The following HAPLN2 variants were observed in gnomAD, a reference collection of about 807,000 sequenced individuals.
HAPLN2 encodes the protein brain link protein-1.
A neutral mutation model predicts 29.3 loss-of-function variants in HAPLN2; 27 were observed. The ratio of observed to expected loss-of-function variants is 0.92; its 90% confidence interval spans 0.68 to 1.27. HAPLN2 has a LOEUF of 1.27. Among genes scored for constraint, HAPLN2 ranks in the 50% most tolerant of loss-of-function variants. The pLI is 0.00. For missense variants in HAPLN2, 454 were observed against 484.3 expected, an observed-to-expected ratio of 0.94 and a Z score of 0.59; for synonymous variants, 208 against 211.7, an observed-to-expected ratio of 0.98 and a Z score of 0.15.
At chr1:156,612,647 C>A in the HAPLN2 span, among the ~76,000 whole-genome samples, 1 of 152,152 alleles carries the variant, frequency 6.6e-6, no homozygotes, top group Non-Finnish European at 1.5e-5. Context: ...GACTGAGGAG[C>A]AGGAAATGGT....
the HAPLN2 span, among the ~76,000 whole-genome samples, chr1:156,607,023 G>A: frequency 6.6e-6 from 1 of 151,968 alleles, no homozygotes; most frequent in African/African-American, 2.4e-5. Flanking sequence ...ATTGAGAGTT[G>A]AGCCCAATTT....
Position 156,625,649 on chromosome 1 carries a change from C to A in HAPLN2, c.*265C>A, listed in dbSNP as rs1461545274. 1.1e-5 allele frequency: 5 copies of A among 435,786 alleles called. No homozygotes were observed. Among genetic ancestry groups the A allele is most frequent in the African/African-American group, 1.0e-4 (5 of 48,120 alleles). The allele number at this position is 435,786 out of a possible 1,614,324, so 27.0% of individuals were successfully genotyped here. ...CGAACCCTAGCAGAGGACTCAGCCA[C>A]CGCCGGGGGGAGGGTGAGGCGGCCG... On this transcript the variant is annotated 3_prime_UTR_variant, in exon 7 of 7. Transcript: ENST00000255039. The surrounding 1 kb of genome is among the most constrained non-coding windows in gnomAD (Gnocchi z 5.7).
rs369574575 is a variant in HAPLN2 at position 156,624,340 on chromosome 1, C to G, written c.440-11C>G. ...CCGCTGGCCCTCCCCAGGATCCCCG[C>G]CACCCCCTAGGTGTGGTGTTTCCGT... On this transcript the variant is annotated splice_polypyrimidine_tract_variant and intron_variant, in intron 4 of 6. Transcript: ENST00000255039. 1.9e-6 allele frequency: 3 copies of G among 1,592,656 alleles called. No individual in the cohort carries two copies. The highest frequency in any genetic ancestry group is 2.7e-5 in the African/African-American group (2 of 74,392).
chr1:156,609,231 C>T, the HAPLN2 span, among the ~76,000 whole-genome samples: 3 of 152,226 alleles, frequency 2.0e-5, no homozygotes, highest in Admixed American at 6.5e-5. Context: ...CAGAACGCTG[C>T]AGGGGCCCTC....
At chr1:156,611,455 C>G in the HAPLN2 span, among the ~76,000 whole-genome samples, 1 of 152,066 alleles carries the variant, frequency 6.6e-6, no homozygotes, top group African/African-American at 2.4e-5. Flanking sequence ...ATCCCAGCTA[C>G]TTGGGAGGCT....
chr1:156,603,738 C>T, the HAPLN2 span, among the ~76,000 whole-genome samples: 1 of 152,088 alleles, frequency 6.6e-6, no homozygotes, highest in Non-Finnish European at 1.5e-5. Flanking sequence ...TTCACTCATT[C>T]AATAAATATT....
chr1:156,617,090 AAAAG>A (rs71270462), upstream of HAPLN2, among the ~76,000 whole-genome samples: 19 of 148,356 alleles, frequency 1.3e-4, no homozygotes, highest in African/African-American at 3.7e-4. Flanking sequence ...ACCCTGTTTC[AAAAG>A]AAAGAAAGAA....
intron 3 of HAPLN2, 66 bp downstream of exon 3, chr1:156,623,641 G>A: frequency 1.3e-6 from 2 of 1,598,838 alleles, no homozygotes; most frequent in Non-Finnish European, 1.7e-6. Flanking sequence ...GGGGAAAGGG[G>A]AAAGGGCAGT....
chr1:156,612,079 G>A, the HAPLN2 span, among the ~76,000 whole-genome samples: 3 of 152,088 alleles, frequency 2.0e-5, no homozygotes, highest in Non-Finnish European at 4.4e-5. Context: ...GTGCAGTGGC[G>A]TGATCTCACT....
At chr1:156,613,170 G>A in the HAPLN2 span, among the ~76,000 whole-genome samples, 4 of 152,184 alleles carry the variant, frequency 2.6e-5, no homozygotes, top group East Asian at 1.9e-4. Flanking sequence ...CCAACATGGC[G>A]AAACCCTGTC....
rs1678319291 is a variant in HAPLN2, at chr1:156,623,420, C to T, written c.-24-47C>T. On this transcript the variant is annotated intron_variant, in intron 2 of 6. Coordinates refer to ENST00000255039, the MANE Select transcript of HAPLN2 (RefSeq NM_021817.3). ...TCACCCACAACCCTGCTCTTCCCCA[C>T]CCTTTTGCCCCAGTCCTAAGAACTG... 2.0e-6 allele frequency: 3 copies of T among 1,519,134 alleles called. No homozygotes were observed. In the South Asian group the frequency reaches 3.5e-5, roughly 18 times the overall value. 94.1% of individuals were successfully genotyped at this position (1,519,134 alleles called of 1,614,324 possible).
intron 2 of HAPLN2, 45 bp from the exon 3 acceptor site, chr1:156,623,422 C>G (rs1205902450): frequency 6.5e-6 from 10 of 1,535,442 alleles, no homozygotes; most frequent in Non-Finnish European, 8.9e-6. Flanking sequence ...CTTCCCCACC[C>G]TTTTGCCCCA....
At chr1:156,623,728 C>G in intron 3 of HAPLN2, 79 bp from the exon 4 acceptor site, 1 of 1,481,274 alleles carries the variant, frequency 6.8e-7, no homozygotes, top group Non-Finnish European at 9.0e-7. Context: ...CTGGAGAAAG[C>G]ATTTGGGGAG....
intron 2 of HAPLN2, among the ~76,000 whole-genome samples, chr1:156,623,040 AT>A (rs1289404207): frequency 0.018 from 2,316 of 125,506 alleles, 251 homozygotes; most frequent in African/African-American, 0.075. Context: ...TCTCAAAAAA[AT>A]AAATAAATAA....
At chr1:156,616,561 T>C (rs1297558525), upstream of HAPLN2, among the ~76,000 whole-genome samples, 6 of 152,168 alleles carry the variant, frequency 3.9e-5, no homozygotes, top group Non-Finnish European at 7.4e-5. Flanking sequence ...AGCCTGGGAA[T>C]GGATGCAGTG....
intron 2 of HAPLN2, among the ~76,000 whole-genome samples, chr1:156,623,041 T>TAAAAAAAAA (rs1463020915): frequency 4.3e-5 from 4 of 93,266 alleles, no homozygotes; most frequent in South Asian, 4.7e-4. Context: ...CTCAAAAAAA[T>TAAAAAAAAA]AAATAAATAA....
the HAPLN2 span, among the ~76,000 whole-genome samples, chr1:156,609,316 C>T: frequency 6.6e-6 from 1 of 152,192 alleles, no homozygotes; most frequent in Non-Finnish European, 1.5e-5. Context: ...TCAATCATGG[C>T]TAAATATATT....
the HAPLN2 span, among the ~76,000 whole-genome samples, chr1:156,606,124 C>T: frequency 6.6e-6 from 1 of 152,070 alleles, no homozygotes; most frequent in Non-Finnish European, 1.5e-5. Context: ...TCTTAGCCAG[C>T]ATGGTGGCAG....
At chr1:156,620,273 T>C (rs536496082) in intron 2 of HAPLN2, 115 bp downstream of exon 2, 1 of 152,340 alleles carries the variant, frequency 6.6e-6, no homozygotes, top group Admixed American at 6.5e-5. Context: ...TGAGCCTCAC[T>C]GTCAGATCTG....
Sources: gnomAD v4.1 joint callset for allele counts (sites outside exome capture counted in the v4.1 genomes callset) on GRCh38, gnomAD v4.1.1 for gene constraint, Gnocchi (gnomAD v3.1) non-coding constraint, MANE v1.5 for transcripts, NCBI Gene and HGNC (gene_info 2026-07-23, HGNC 2026-07-21) for gene names.